The following RAPGEF6 variants were observed in gnomAD, a reference collection of about 807,000 sequenced individuals.
RAPGEF6 encodes the protein Rap guanine nucleotide exchange factor 6.
Under a neutral mutation model 171.4 loss-of-function variants are expected in RAPGEF6, and 56 were observed. The observed-to-expected ratio is 0.33, with a 90% CI of 0.26 to 0.41. The LOEUF is 0.41. Among genes scored for constraint, RAPGEF6 ranks in the 10% least tolerant of loss-of-function variants. The pLI, the probability that RAPGEF6 is intolerant of heterozygous loss-of-function variation, is 1.00. For synonymous variants in RAPGEF6, 692 were observed against 650.1 expected (o/e 1.06, Z -0.98); for missense variants, 1,674 against 1,921.4 (o/e 0.87, Z 2.41).
chr5:131,469,320 T>C (rs1754588556), intron 17 of RAPGEF6, among the ~76,000 whole-genome samples: 2 of 152,110 alleles, frequency 1.3e-5, no homozygotes, highest in South Asian at 4.1e-4. Flanking sequence ...GGCAGTTTAA[T>C]TTTTTTAAAG....
At position 131,425,708 on chromosome 5, in the gene RAPGEF6, A is replaced by C. The variant is rs1751362182; in HGVS notation, c.*1558T>G. Reference sequence around the variant, plus strand: ...CACTTACAACTGATTCATGATTTTAAAATGAAGGGGGATATGCAGGAAGAC... The same window carrying C: ...CACTTACAACTGATTCATGATTTTACAATGAAGGGGGATATGCAGGAAGAC... On this transcript the variant is annotated 3_prime_UTR_variant, in exon 28 of 28. Transcript: ENST00000509018. 6.6e-6 allele frequency: 1 copy of C among 152,270 alleles called. No homozygotes were observed. Among genetic ancestry groups the C allele is most frequent in the Non-Finnish European group, 1.5e-5 (1 of 68,034 alleles). The allele number at this position is 152,270 out of a possible 1,614,324, so 9.4% of individuals were successfully genotyped here.
At chr5:131,448,512 A>G (rs1211689962) in intron 21 of RAPGEF6, among the ~76,000 whole-genome samples, 1 of 152,170 alleles carries the variant, frequency 6.6e-6, no homozygotes, top group Non-Finnish European at 1.5e-5. Context: ...CTTGAATTCA[A>G]AGAAATGCAG....
intron 15 of RAPGEF6, among the ~76,000 whole-genome samples, chr5:131,488,184 G>A (rs756415031): frequency 1.3e-5 from 2 of 151,980 alleles, no homozygotes; most frequent in African/African-American, 2.4e-5. Context: ...CTACTCAAAG[G>A]GTTCTGAGGG....
rs1334667224 is a variant in RAPGEF6, at chr5:131,590,204, A to G, written c.281+2179T>C. ...CACTTGAGGTCAGGAGCCTGAGACC[A>G]GTCTAGCCAACATGGTGAAACCCTG... On this transcript the variant is annotated intron_variant, in intron 4 of 27. Transcript: ENST00000509018. Among the ~76,000 whole-genome samples the G allele has an allele frequency of 3.3e-5, 5 of 152,328 alleles. No homozygotes were observed. The East Asian group carries it at 9.6e-4, about 29-fold the overall frequency.
At chr5:131,606,534 G>A (rs529170590) in intron 1 of RAPGEF6, among the ~76,000 whole-genome samples, 1 of 152,256 alleles carries the variant, frequency 6.6e-6, no homozygotes, top group East Asian at 1.9e-4. Context: ...TAAAAGAAAG[G>A]TCTACCAAAT....
chr5:131,445,429 T>C (rs1049298457), intron 22 of RAPGEF6, among the ~76,000 whole-genome samples: 1 of 151,958 alleles, frequency 6.6e-6, no homozygotes, highest in Non-Finnish European at 1.5e-5. Context: ...TACTACCCCT[T>C]GTCAACTAGG....
At chr5:131,475,847 A>G (rs1755053815) in intron 16 of RAPGEF6, among the ~76,000 whole-genome samples, 2 of 152,198 alleles carry the variant, frequency 1.3e-5, no homozygotes, top group South Asian at 4.1e-4. Context: ...TTTCTTTTCT[A>G]TGACAACTCA....
chr5:131,566,796 G>GATAGCA (rs1053486586), intron 4 of RAPGEF6, among the ~76,000 whole-genome samples: 15 of 145,996 alleles, frequency 1.0e-4, no homozygotes, highest in African/African-American at 3.8e-4. Flanking sequence ...CCAATTTATT[G>GATAGCA]ATAGCAAGTT....
At chr5:131,617,292 CCA>C (rs200602681) in intron 1 of RAPGEF6, among the ~76,000 whole-genome samples, 11,829 of 89,452 alleles carry the variant, frequency 0.13, 944 homozygotes, top group African/African-American at 0.25. Flanking sequence ...AAAAACAGCA[CCA>C]CACACACACA....
At chr5:131,526,871 G>A (rs1207951686) in intron 6 of RAPGEF6, among the ~76,000 whole-genome samples, 1 of 152,104 alleles carries the variant, frequency 6.6e-6, no homozygotes, top group Non-Finnish European at 1.5e-5. Flanking sequence ...CAGCAAGAAA[G>A]TTTTTTAGCT....
chr5:131,588,745 A>G (rs1030553050), intron 4 of RAPGEF6, among the ~76,000 whole-genome samples: 7 of 151,506 alleles, frequency 4.6e-5, no homozygotes, highest in African/African-American at 1.7e-4. Flanking sequence ...TCCGTCTTAA[A>G]AAACAACAAC....
chr5:131,566,832 G>C (rs944989055), intron 4 of RAPGEF6, among the ~76,000 whole-genome samples: 4 of 151,550 alleles, frequency 2.6e-5, no homozygotes, highest in Admixed American at 2.6e-4. Flanking sequence ...TTGTAGGCCG[G>C]GCGCGGTGGC....
intron 16 of RAPGEF6, among the ~76,000 whole-genome samples, chr5:131,473,325 T>C (rs1387877055): frequency 1.3e-5 from 2 of 152,216 alleles, no homozygotes; most frequent in Admixed American, 1.3e-4. Flanking sequence ...TAAGGGTACA[T>C]TATTTCTTAT....
At chr5:131,566,040 G>A (rs1466913571) in intron 4 of RAPGEF6, among the ~76,000 whole-genome samples, 3 of 151,950 alleles carry the variant, frequency 2.0e-5, no homozygotes, top group Admixed American at 6.6e-5. Flanking sequence ...CCAGTTACTC[G>A]GAAGGTTGAG....
chr5:131,514,758 A>G (rs1035116804), intron 7 of RAPGEF6, among the ~76,000 whole-genome samples: 2 of 152,246 alleles, frequency 1.3e-5, no homozygotes, highest in South Asian at 2.1e-4. Context: ...TTAGAGACTC[A>G]TATCATAATA....
intron 1 of RAPGEF6, among the ~76,000 whole-genome samples, chr5:131,615,283 T>G (rs953217179): frequency 1.2e-4 from 18 of 152,174 alleles, no homozygotes; most frequent in African/African-American, 4.1e-4. Context: ...ATGGTTGTAG[T>G]GGTGAGCTGA....
intron 4 of RAPGEF6, among the ~76,000 whole-genome samples, chr5:131,582,600 T>G (rs781244913): frequency 4.6e-5 from 7 of 152,138 alleles, no homozygotes; most frequent in Non-Finnish European, 8.8e-5. Context: ...ATGATAAACT[T>G]AACATCAAAA....
At chr5:131,461,110 G>A (rs1327955063) in intron 19 of RAPGEF6, among the ~76,000 whole-genome samples, 1 of 152,078 alleles carries the variant, frequency 6.6e-6, no homozygotes, top group Non-Finnish European at 1.5e-5. Flanking sequence ...GGGAGTGGGA[G>A]AGCTCACGTA....
At chr5:131,551,506 C>A in intron 5 of RAPGEF6, among the ~76,000 whole-genome samples, 1 of 103,318 alleles carries the variant, frequency 9.7e-6, no homozygotes, top group Non-Finnish European at 2.1e-5. Context: ...AGTGAGACTC[C>A]ATCTCAAAAA....
Sources: gnomAD v4.1 joint callset for allele counts (sites outside exome capture counted in the v4.1 genomes callset) on GRCh38, gnomAD v4.1.1 for gene constraint, MANE v1.5 for transcripts, NCBI Gene and HGNC (gene_info 2026-07-23, HGNC 2026-07-21) for gene names.